The following NAF1 variants were observed in gnomAD, a reference collection of about 807,000 sequenced individuals.
NAF1 encodes the protein nuclear assembly factor 1 ribonucleoprotein, also known as H/ACA ribonucleoprotein complex non-core subunit NAF1.
In NAF1, 11 loss-of-function variants were observed where a neutral mutation model predicts 40.6. The observed-to-expected ratio is 0.27, with a 90% CI of 0.17 to 0.45. The LOEUF (loss-of-function observed/expected upper bound fraction) is 0.45. NAF1 is among the 20% of genes least tolerant of loss of function. The probability of loss-of-function intolerance (pLI) is 1.00; values close to 1 mark genes in which losing one functional copy is unlikely to be tolerated. For synonymous variants in NAF1, 260 were observed against 228.5 expected (o/e 1.14, Z -1.24); for missense variants, 607 against 611.1 (o/e 0.99, Z 0.07).
downstream of NAF1, chr4:163,126,968 T>C: frequency 1.3e-6 from 2 of 1,547,398 alleles, no homozygotes; most frequent in South Asian, 1.2e-5. Context: ...TTGGTTTTTT[T>C]AGACACAATG....
At chr4:163,137,784 A>AG (rs1731115675) in intron 5 of NAF1, among the ~76,000 whole-genome samples, 1 of 152,126 alleles carries the variant, frequency 6.6e-6, no homozygotes, top group African/African-American at 2.4e-5. Context: ...CAAAGCAGTG[A>AG]GGGTCAAACA....
At chr4:163,114,086 G>A (rs558486049) in intron 2 of NAF1, among the ~76,000 whole-genome samples, 12 of 152,210 alleles carry the variant, frequency 7.9e-5, no homozygotes, top group Non-Finnish European at 1.8e-4. Context: ...GAAAAGGAAA[G>A]ACTGGAAGAG....
chr4:163,144,848 T>A (rs1234837818), intron 4 of NAF1, among the ~76,000 whole-genome samples: 1 of 152,080 alleles, frequency 6.6e-6, no homozygotes, highest in Non-Finnish European at 1.5e-5. Flanking sequence ...ACAAAAAAAA[T>A]GTCTGTTTAG....
At chr4:163,114,730 C>T (rs760811639) in intron 2 of NAF1, among the ~76,000 whole-genome samples, 8 of 151,994 alleles carry the variant, frequency 5.3e-5, no homozygotes, top group Non-Finnish European at 1.0e-4. Context: ...TTATGTTGTC[C>T]TCACAAATGG....
rs564910354 is a variant in NAF1 at position 163,166,516 on chromosome 4, A to C, written c.212T>G (p.Leu71Arg). ...PAGEQPLQPV[L>R]NAVAAGTPAP... ...CGGGGTCCCGGCCGCGACGGCGTTC[A>C]GAACGGGCTGCAGAGGCTGCTCCCC... The change falls in exon 1 of 8, where the codon CTG becomes CGG. Residue 71 changes from leucine (L) to arginine (R), a missense_variant. Leu to Arg is a moderately radical substitution (Grantham distance 102). Transcript: ENST00000274054. 6.3e-7 allele frequency: 1 copy of C among 1,599,466 alleles called. No homozygotes were observed. The highest frequency in any genetic ancestry group is 1.3e-5 in the African/African-American group (1 of 74,602).
At chr4:163,142,393 G>A (rs1731296230) in intron 4 of NAF1, among the ~76,000 whole-genome samples, 1 of 152,140 alleles carries the variant, frequency 6.6e-6, no homozygotes, top group African/African-American at 2.4e-5. Context: ...GTTTCCCAGG[G>A]ATTTGTTTCC....
At chr4:163,153,429 T>C (rs1417103021) in intron 2 of NAF1, among the ~76,000 whole-genome samples, 1 of 152,176 alleles carries the variant, frequency 6.6e-6, no homozygotes, top group Non-Finnish European at 1.5e-5. Context: ...ACACTCTGTA[T>C]CTAGCTGCTC....
chr4:163,132,457 A>T (rs1730908229), intron 7 of NAF1, among the ~76,000 whole-genome samples: 1 of 152,226 alleles, frequency 6.6e-6, no homozygotes, highest in African/African-American at 2.4e-5. Flanking sequence ...CAGTGGCAAA[A>T]GCCTTTCCCT....
At chr4:163,104,113 G>C in the NAF1 span, among the ~76,000 whole-genome samples, 2 of 152,078 alleles carry the variant, frequency 1.3e-5, no homozygotes, top group African/African-American at 2.4e-5. Context: ...AGTGGGGGAG[G>C]TTCTGAGCCA....
chr4:163,158,360 G>C (rs1732077489), intron 2 of NAF1: 1 of 151,898 alleles, frequency 6.6e-6, no homozygotes, highest in Admixed American at 6.6e-5. Context: ...GAATGGATTA[G>C]GTCTGTACAC....
At chr4:163,159,520 T>G (rs1732133208) in intron 2 of NAF1, among the ~76,000 whole-genome samples, 1 of 152,144 alleles carries the variant, frequency 6.6e-6, no homozygotes, top group Non-Finnish European at 1.5e-5. Context: ...TTACTAAGTG[T>G]AGACCAAGAT....
At chr4:163,108,380 T>C (rs1245321539), downstream of NAF1, among the ~76,000 whole-genome samples, 4 of 152,204 alleles carry the variant, frequency 2.6e-5, no homozygotes. Flanking sequence ...CATTAGCCAA[T>C]AGCTTGCTCA....
chr4:163,143,912 A>C (rs556883418), intron 4 of NAF1: 1 of 484,132 alleles, frequency 2.1e-6, no homozygotes, highest in South Asian at 8.9e-5. Context: ...AGAGTATTCT[A>C]ATCTATTAGT....
rs1223572781 is a variant in NAF1 at position 163,115,211 on chromosome 4, A to AT, written c.115-4922dup. 2.3e-3 allele frequency among the ~76,000 whole-genome samples: 228 copies of AT among 97,352 alleles called. 7 individuals carry two copies. Among genetic ancestry groups the AT allele is most frequent in the Middle Eastern group, 0.015 (3 of 206 alleles). The allele number at this position is 97,352 out of a possible 152,430, so 63.9% of individuals were successfully genotyped here. ...ATATAGGACAATAATTTTTTTATTT[A>AT]TTTTTTTTTTTTTTTGAGACAGAGT... is the stretch of plus-strand genomic sequence containing the variant. On this transcript the variant is annotated intron_variant, in intron 2 of 2. Coordinates refer to the NAF1 transcript ENST00000509434.
Position 163,143,317 on chromosome 4 carries a change from A to C in NAF1, c.717+2465T>G, listed in dbSNP as rs556496609. Among the ~76,000 whole-genome samples, 5 of 152,278 alleles carry C rather than the reference A, an allele frequency of 3.3e-5. No homozygotes were observed. In the South Asian group the frequency reaches 8.3e-4, roughly 25 times the overall value. Reference sequence around the variant, plus strand: ...GTAACAACAACGTGGTACAGCTATAATGTAGGATCTGCTGGGAAAAATAAC... The same window carrying C: ...GTAACAACAACGTGGTACAGCTATACTGTAGGATCTGCTGGGAAAAATAAC... On this transcript the variant is annotated intron_variant, in intron 4 of 7. Coordinates refer to ENST00000274054, the MANE Select transcript of NAF1 (RefSeq NM_138386.3).
At chr4:163,151,208 T>TG (rs1239781173) in intron 2 of NAF1, among the ~76,000 whole-genome samples, 105 of 152,194 alleles carry the variant, frequency 6.9e-4, no homozygotes, top group African/African-American at 2.5e-3. Context: ...CTAAAGAAAC[T>TG]AAACAATTTC....
intron 7 of NAF1, among the ~76,000 whole-genome samples, chr4:163,130,406 T>C (rs1056129800): frequency 6.6e-6 from 1 of 152,142 alleles, no homozygotes; most frequent in Non-Finnish European, 1.5e-5. Context: ...AAAGAACAAA[T>C]TGCAATTTTA....
At chr4:163,104,678 A>T in the NAF1 span, among the ~76,000 whole-genome samples, 4 of 152,242 alleles carry the variant, frequency 2.6e-5, no homozygotes, top group African/African-American at 9.6e-5. Flanking sequence ...GGTCAGAAAG[A>T]TCACTAAGGA....
At chr4:163,127,660 A>T (rs1730705183), downstream of NAF1, among the ~76,000 whole-genome samples, 1 of 152,230 alleles carries the variant, frequency 6.6e-6, no homozygotes. Context: ...AATAATGAAG[A>T]AAGTACTCAT....
Sources: allele counts gnomAD v4.1 joint callset (sites outside exome capture counted in the v4.1 genomes callset), GRCh38; gene constraint gnomAD v4.1.1; transcripts MANE v1.5; gene names NCBI Gene and HGNC (gene_info 2026-07-23, HGNC 2026-07-21).